Variants in GAB3 observed in about 807,000 individuals in gnomAD.
GAB3 encodes GRB2 associated binding protein 3.
Under a neutral mutation model 40.4 loss-of-function variants are expected in GAB3, and 12 were observed. The observed-to-expected ratio is 0.30, with a 90% CI of 0.19 to 0.48. The LOEUF (loss-of-function observed/expected upper bound fraction) is 0.48, where lower values mean the gene tolerates loss of function less well. Ranked by LOEUF, GAB3 falls within the 20% of genes least tolerant of loss-of-function variation. The pLI is 0.99. For missense variants in GAB3, 381 were observed against 461.9 expected (o/e 0.82, Z 1.61); for synonymous variants, 154 against 176.7 (o/e 0.87, Z 1.02).
intron 1 of GAB3, among the ~76,000 whole-genome samples, chrX:154,750,458 G>A (rs1415249508): frequency 8.9e-6 from 1 of 112,326 alleles, no homozygotes; most frequent in Admixed American, 9.3e-5. Context: ...TAGGGTTCCA[G>A]ACAGCAGTGT....
At position 154,677,015 on chromosome X, in the gene GAB3, C is replaced by T; in HGVS notation, c.*1163G>A. 9.0e-6 allele frequency: 1 copy of T among 111,509 alleles called. No homozygotes were observed. The highest frequency in any genetic ancestry group is 2.8e-4 in the East Asian group (1 of 3,526). 9.2% of individuals were successfully genotyped at this position (111,509 alleles called of 1,213,427 possible). ...TTCTAAAGCAGAAGGGAGCAATTGG[C>T]TGGGAAACCTAAGAATGGAATTCAT... is the stretch of plus-strand genomic sequence containing the variant. On this transcript the variant is annotated 3_prime_UTR_variant, in exon 10 of 10. Transcript: ENST00000424127.
chrX:154,742,985 C>CATATATATAT (rs34588574), intron 1 of GAB3, among the ~76,000 whole-genome samples: 204 of 92,321 alleles, frequency 2.2e-3, no homozygotes, highest in Middle Eastern at 0.011. Context: ...AGTGTGTGTA[C>CATATATATAT]ATATATATAT....
At chrX:154,751,203 C>T (rs1308874495), upstream of GAB3, 1 of 271,777 alleles carries the variant, frequency 3.7e-6, no homozygotes, top group Non-Finnish European at 4.9e-6. Context: ...ACGCCGCCCG[C>T]AACCCAAGAC....
chrX:154,720,080 A>G (rs782620157), intron 1 of GAB3, among the ~76,000 whole-genome samples: 95 of 111,035 alleles, frequency 8.6e-4, no homozygotes, highest in African/African-American at 2.9e-3. Context: ...ATTTAATACC[A>G]TATTTTTATT....
chrX:154,738,270 G>A lies in GAB3; in HGVS notation c.72+12684C>T, dbSNP rs782146058. Among the ~76,000 whole-genome samples the A allele has an allele frequency of 6.2e-4, 70 of 112,339 alleles. 2 individuals carry two copies. The highest frequency in any genetic ancestry group is 1.5e-4 in the Non-Finnish European group (8 of 53,289). ...CCAGATGAGCAATGATGGTCCTGGA[G>A]GAGTTTATTTAGTTCTGGTACCAGT... On this transcript the variant is annotated intron_variant, in intron 1 of 9. Coordinates refer to ENST00000424127, the MANE Select transcript of GAB3 (RefSeq NM_001081573.3).
At chrX:154,736,445 A>G (rs2071366283) in intron 1 of GAB3, among the ~76,000 whole-genome samples, 1 of 112,606 alleles carries the variant, frequency 8.9e-6, no homozygotes, top group Non-Finnish European at 1.9e-5. Context: ...ACCTAGGAAG[A>G]GTTCATTATA....
rs1557256191 is a variant in GAB3 at position 154,712,238 on chromosome X, T to C, written c.1060A>G (p.Thr354Ala). The change falls in exon 4 of 10, where the codon ACC becomes GCC. Residue 354 changes from threonine to alanine, a missense_variant. By Grantham distance (58) the Thr-to-Ala change is moderately conservative (BLOSUM62 0). Transcript: ENST00000424127. ...AGGACCCAACACTTACCTTTCCAGG[T>C]TCTCATGTTGTCTAAACCAGAGAGG... ...ISLSGLDNMRTWKADVEGQSL... is the reference protein window; with the variant it reads ...ISLSGLDNMRAWKADVEGQSL... The C allele has an allele frequency of 8.5e-7, 1 of 1,181,527 alleles. No individual in the cohort carries two copies. The highest frequency in any genetic ancestry group is 2.3e-5 in the Admixed American group (1 of 43,707).
chrX:154,710,115 T>C (rs2070910340), intron 4 of GAB3, among the ~76,000 whole-genome samples: 1 of 110,401 alleles, frequency 9.1e-6, no homozygotes, highest in South Asian at 4.3e-4. Context: ...TGCATATGCA[T>C]TCACACCTTG....
intron 2 of GAB3, among the ~76,000 whole-genome samples, chrX:154,715,397 T>TGTGTGTGC (rs58814017): frequency 5.5e-5 from 6 of 108,230 alleles, no homozygotes; most frequent in African/African-American, 1.0e-4. Context: ...ATGAGTTGTG[T>TGTGTGTGC]GTGTGTGCGT....
intron 4 of GAB3, among the ~76,000 whole-genome samples, chrX:154,702,335 A>G (rs1189850661): frequency 1.8e-5 from 2 of 112,370 alleles, no homozygotes; most frequent in Non-Finnish European, 3.8e-5. Context: ...TAAGACCCCT[A>G]TCTCTCACCA....
At chrX:154,714,749 G>A (rs2071019731) in intron 2 of GAB3, among the ~76,000 whole-genome samples, 2 of 112,208 alleles carry the variant, frequency 1.8e-5, no homozygotes, top group Non-Finnish European at 3.8e-5. Flanking sequence ...AAGAAACAGA[G>A]GAGATATATA....
chrX:154,708,170 C>A (rs1311068106), intron 4 of GAB3, among the ~76,000 whole-genome samples: 1 of 111,740 alleles, frequency 8.9e-6, no homozygotes, highest in African/African-American at 3.3e-5. Context: ...TGGATATCCA[C>A]ACGCAAAAGA....
rs183011802 is a variant in GAB3, at chrX:154,695,907, A to G, written c.1530+10T>C. 6 of 1,095,502 alleles carry G rather than the reference A, an allele frequency of 5.5e-6. No individual in the cohort carries two copies. In the South Asian group the frequency reaches 7.6e-5, roughly 14 times the overall value. 90.3% of individuals were successfully genotyped at this position (1,095,502 alleles called of 1,213,427 possible). On this transcript the variant is annotated intron_variant, in intron 8 of 9. Coordinates refer to ENST00000424127, the MANE Select transcript of GAB3 (RefSeq NM_001081573.3). ...GAAGGATAAGAAGAGTGTGAAAAAT[A>G]TAAGATTACCATTTCGATGTAGCTT...
chrX:154,743,234 G>A (rs782705861), intron 1 of GAB3, among the ~76,000 whole-genome samples: 1 of 110,315 alleles, frequency 9.1e-6, no homozygotes, highest in Non-Finnish European at 1.9e-5. Context: ...TTTTTAAACT[G>A]TCAACCCATA....
intron 1 of GAB3, among the ~76,000 whole-genome samples, chrX:154,744,315 GA>G (rs1557261729): frequency 9.3e-6 from 1 of 107,489 alleles, no homozygotes; most frequent in East Asian, 3.0e-4. Context: ...AGAGAGGTTA[GA>G]AGTAAAAGAA....
At chrX:154,707,164 A>G (rs782299125) in intron 4 of GAB3, among the ~76,000 whole-genome samples, 5 of 111,528 alleles carry the variant, frequency 4.5e-5, no homozygotes, top group Non-Finnish European at 9.4e-5. Flanking sequence ...TCCCTCATGA[A>G]CACAGATTTT....
intron 9 of GAB3, 35 bp from the exon 10 acceptor site, chrX:154,678,329 C>A: frequency 1.4e-6 from 1 of 717,670 alleles, no homozygotes. Flanking sequence ...TTCATTACAT[C>A]TAACTTAAAA....
chrX:154,709,112 G>A lies in GAB3; in HGVS notation c.1069+3117C>T, dbSNP rs892223448. On this transcript the variant is annotated intron_variant, in intron 4 of 9. Transcript: ENST00000424127. ...TGTGATAGAGCTCTCACGAGATCTG[G>A]TTGTTTAAAAGTGTGTAGCACCTCC... Among the ~76,000 whole-genome samples, 19 of 100,785 alleles carry A rather than the reference G, an allele frequency of 1.9e-4. No individual in the cohort carries two copies. The East Asian group carries it at 5.5e-3, about 29-fold the overall frequency. The allele number at this position is 100,785 out of a possible 115,157, so 87.5% of individuals were successfully genotyped here.
At chrX:154,704,047 T>C (rs1315864456) in intron 4 of GAB3, among the ~76,000 whole-genome samples, 1 of 111,603 alleles carries the variant, frequency 9.0e-6, no homozygotes, top group East Asian at 2.8e-4. Context: ...TACGATAGAG[T>C]ACTCTTCAGC....
Sources: gnomAD v4.1 joint callset for allele counts (sites outside exome capture counted in the v4.1 genomes callset) on GRCh38, gnomAD v4.1.1 for gene constraint, MANE v1.5 for transcripts, NCBI Gene and HGNC (gene_info 2026-07-23, HGNC 2026-07-21) for gene names.